The following NUP214 variants were observed in gnomAD, a reference collection of about 807,000 sequenced individuals.
NUP214 encodes nucleoporin 214.
Under a neutral mutation model 196.2 loss-of-function variants are expected in NUP214, and 79 were observed. The observed-to-expected ratio is 0.40, with a 90% CI of 0.34 to 0.49. The LOEUF (loss-of-function observed/expected upper bound fraction) is 0.49, where lower values mean the gene tolerates loss of function less well. Among genes scored for constraint, NUP214 ranks in the 20% least tolerant of loss-of-function variants. The pLI, the probability that NUP214 is intolerant of heterozygous loss-of-function variation, is 0.58. For synonymous variants in NUP214, 1,020 were observed against 990.5 expected, an observed-to-expected ratio of 1.03 and a Z score of -0.56; for missense variants, 2,468 against 2,539.0, an observed-to-expected ratio of 0.97 and a Z score of 0.60.
chr9:131,232,410 C>A lies in NUP214; in HGVS notation c.6239+102C>A, dbSNP rs932605353. The A allele has an allele frequency of 1.5e-6, 2 of 1,301,990 alleles. No individual in the cohort carries two copies. The highest frequency in any genetic ancestry group is 2.2e-6 in the Non-Finnish European group (2 of 899,040). 80.7% of individuals were successfully genotyped at this position (1,301,990 alleles called of 1,614,324 possible). Reference sequence around the variant, plus strand: ...TTTGTGCATTTTCTTTTCGTTTTTTCCTGTTTTTAGAGTTTGTCCTGGAAG... The same window carrying A: ...TTTGTGCATTTTCTTTTCGTTTTTTACTGTTTTTAGAGTTTGTCCTGGAAG... On this transcript the variant is annotated intron_variant, in intron 35 of 35. Coordinates refer to ENST00000359428, the MANE Select transcript of NUP214 (RefSeq NM_005085.4). The surrounding 1 kb of genome is among the most constrained non-coding windows in gnomAD (Gnocchi z 5.1).
intron 26 of NUP214, chr9:131,191,983 A>G (rs1225535664): frequency 2.4e-6 from 1 of 409,850 alleles, no homozygotes; most frequent in Non-Finnish European, 4.3e-6. Context: ...CACACCTTAG[A>G]CTGGAATTAA....
At chr9:131,156,797 T>G (rs1160053193) in intron 17 of NUP214, among the ~76,000 whole-genome samples, 1 of 152,278 alleles carries the variant, frequency 6.6e-6, no homozygotes, top group East Asian at 1.9e-4. Flanking sequence ...GACTTTCTCT[T>G]TATCAGTTTG....
Position 131,189,147 on chromosome 9 carries a change from T to C in NUP214, c.3574+16T>C. On this transcript the variant is annotated intron_variant, in intron 26 of 35. Coordinates refer to ENST00000359428, the MANE Select transcript of NUP214 (RefSeq NM_005085.4). ...AAAGCTTCAGGTCAGTTTGCATTTT[T>C]GTTTTCTTGAAAAGTGAAAGAAGCA... The C allele has an allele frequency of 3.1e-6, 5 of 1,610,422 alleles. No individual in the cohort carries two copies. Among genetic ancestry groups the C allele is most frequent in the Non-Finnish European group, 4.2e-6 (5 of 1,176,668 alleles).
chr9:131,125,607 G>C lies in NUP214; in HGVS notation c.-98G>C, dbSNP rs895416599. 11 of 1,548,836 alleles carry C rather than the reference G, an allele frequency of 7.1e-6. No individual in the cohort carries two copies. Among genetic ancestry groups the C allele is most frequent in the Non-Finnish European group, 9.6e-6 (11 of 1,145,434 alleles). On this transcript the variant is annotated 5_prime_UTR_variant, in exon 1 of 36. Transcript: ENST00000359428. This position sits in a 1 kb window ranked among gnomAD's most constrained non-coding sequence, Gnocchi z 4.1. ...ATGCGAGGTCAACTGCGCGCCGCTG[G>C]CGCTGAGGGGAGGAAGTTTGCTGTC...
Position 131,125,827 on chromosome 9 carries a change from G to GT in NUP214, c.45+79dup. 6.7e-7 allele frequency: 1 copy of GT among 1,495,096 alleles called. No individual in the cohort carries two copies. The highest frequency in any genetic ancestry group is 9.1e-7 in the Non-Finnish European group (1 of 1,098,176). The allele number at this position is 1,495,096 out of a possible 1,614,324, so 92.6% of individuals were successfully genotyped here. On this transcript the variant is annotated intron_variant, in intron 1 of 35. Transcript: ENST00000359428. The surrounding 1 kb of genome is among the most constrained non-coding windows in gnomAD (Gnocchi z 4.1). ...GAGCCCAGCTGAAAGGCGAAGCGCGGTGCTGGCTGTCCCGCCTCCTGCTTG... is the reference window on the plus strand; with the variant it reads ...GAGCCCAGCTGAAAGGCGAAGCGCGGTTGCTGGCTGTCCCGCCTCCTGCTTG...
chr9:131,155,200 C>T (rs762963186), intron 17 of NUP214, among the ~76,000 whole-genome samples: 1 of 152,080 alleles, frequency 6.6e-6, no homozygotes, highest in Non-Finnish European at 1.5e-5. Context: ...AGAAGTAAGA[C>T]GGTATTGCAT....
chr9:131,170,516 T>TG (rs1319921019), intron 21 of NUP214, among the ~76,000 whole-genome samples: 1 of 152,208 alleles, frequency 6.6e-6, no homozygotes. Context: ...GTGGGAGACA[T>TG]GCACATCTTT....
At chr9:131,226,613 G>GT (rs1376986215) in intron 32 of NUP214, among the ~76,000 whole-genome samples, 1 of 61,328 alleles carries the variant, frequency 1.6e-5, no homozygotes, top group African/African-American at 4.7e-5. Context: ...AACTGTAAGG[G>GT]TTTTTTAGCA....
intron 30 of NUP214, among the ~76,000 whole-genome samples, chr9:131,207,703 A>G (rs1216958583): frequency 6.6e-6 from 1 of 152,234 alleles, no homozygotes; most frequent in Admixed American, 6.5e-5. Flanking sequence ...TATTGCTGTG[A>G]TCATCTTTGG....
chr9:131,233,571 G>A lies in NUP214; in HGVS notation c.*84G>A, dbSNP rs1834936698. ...GAGAAATGCTGGAGCAGGCTGTTCAGACCGACGTTGCCATCAAAACACATA... is the reference window on the plus strand; with the variant it reads ...GAGAAATGCTGGAGCAGGCTGTTCAAACCGACGTTGCCATCAAAACACATA... On this transcript the variant is annotated 3_prime_UTR_variant, in exon 36 of 36. Transcript: ENST00000359428. The A allele has an allele frequency of 6.6e-7, 1 of 1,506,308 alleles. No homozygotes were observed. The highest frequency in any genetic ancestry group is 1.1e-5 in the South Asian group (1 of 87,706). 93.3% of individuals were successfully genotyped at this position (1,506,308 alleles called of 1,614,324 possible).
chr9:131,193,823 T>A (rs1833695045), intron 27 of NUP214: 1 of 151,078 alleles, frequency 6.6e-6, no homozygotes, highest in African/African-American at 2.4e-5. Flanking sequence ...AGCTAATTTT[T>A]GTATTTTAGT....
chr9:131,175,329 C>T, intron 22 of NUP214, 131 bp from the exon 23 acceptor site: 1 of 1,044,796 alleles, frequency 9.6e-7, no homozygotes, highest in Non-Finnish European at 1.4e-6. Flanking sequence ...TGTTAGTTTA[C>T]TGGTACTTTT....
At position 131,144,618 on chromosome 9, in the gene NUP214, T is replaced by A; in HGVS notation, c.1633T>A (p.Ser545Thr). 6.2e-7 allele frequency: 1 copy of A among 1,614,192 alleles called. No individual in the cohort carries two copies. Among genetic ancestry groups the A allele is most frequent in the East Asian group, 2.2e-5 (1 of 44,884 alleles). ...AASPVAPSAA[S>T]FSFGSSGFKP... The stretch of plus-strand genomic sequence containing the variant: ...GTCTCCTGTGGCTCCATCAGCTGCT[T>A]CATTCTCCTTTGGATCATCTGGTTT... The change falls in exon 12 of 36, where the codon TCA becomes ACA. Residue 545 changes from serine (S) to threonine (T), a missense_variant. By Grantham distance (58) the Ser-to-Thr change is moderately conservative (BLOSUM62 1). Around this residue, in one of 5 missense-constraint regions of NUP214, gnomAD observed 1,801 missense variants for 1,779.4 expected, o/e 1.01. Transcript: ENST00000359428.
At chr9:131,137,649 C>G (rs1449755643) in intron 9 of NUP214, among the ~76,000 whole-genome samples, 4 of 148,128 alleles carry the variant, frequency 2.7e-5, no homozygotes, top group Non-Finnish European at 5.9e-5. Context: ...CTCCCTGGTT[C>G]AAGCGATTCT....
chr9:131,198,399 T>C lies in NUP214; in HGVS notation c.4905T>C (p.Phe1635=). 6.2e-7 allele frequency: 1 copy of C among 1,614,232 alleles called. No individual in the cohort carries two copies. Among genetic ancestry groups the C allele is most frequent in the Non-Finnish European group, 8.5e-7 (1 of 1,180,028 alleles). ...GCCCATCTGCAGAGGCAGCAGCATT[T>C]GGTACCGTCACTTCTGGCTCATCCG... ...APGPSAEAAA[F]GTVTSGSSVF... Residue 1635 remains phenylalanine, a synonymous_variant, in exon 29 of 36, where the codon TTT becomes TTC. Coordinates refer to ENST00000359428, the MANE Select transcript of NUP214 (RefSeq NM_005085.4).
intron 8 of NUP214, 122 bp from the exon 9 acceptor site, chr9:131,135,817 TA>T: frequency 1.5e-6 from 1 of 680,008 alleles, no homozygotes; most frequent in Non-Finnish European, 2.6e-6. Context: ...TTCAACCAGA[TA>T]AAAAACCTTA....
At chr9:131,225,897 G>A (rs568596317) in intron 32 of NUP214, among the ~76,000 whole-genome samples, 34 of 152,304 alleles carry the variant, frequency 2.2e-4, no homozygotes, top group Non-Finnish European at 5.0e-4. Context: ...GAGGTCATCC[G>A]GGGAGAGGAC....
Position 131,135,965 on chromosome 9 carries a change from G to C in NUP214, c.964G>C (p.Ala322Pro). The change falls in exon 9 of 36, where the codon GCT (alanine) becomes CCT (proline). Residue 322 changes from alanine (A) to proline (P), a missense_variant. This residue lies in a region of NUP214 where 392 missense variants were observed against 417.9 expected (regional missense o/e 0.94). Transcript: ENST00000359428. ...GGATTTAGTGCTGGCAGCATCTGCGGCTTCAACAGAAGTTAGTATCCTTGC... is the reference window on the plus strand; with the variant it reads ...GGATTTAGTGCTGGCAGCATCTGCGCCTTCAACAGAAGTTAGTATCCTTGC... ...EWDLVLAASA[A>P]STEVSILARQ... 1.2e-6 allele frequency: 2 copies of C among 1,613,976 alleles called. No individual in the cohort carries two copies. Among genetic ancestry groups the C allele is most frequent in the South Asian group, 1.1e-5 (1 of 91,086 alleles).
At chr9:131,180,448 C>A (rs1157639559) in intron 24 of NUP214, among the ~76,000 whole-genome samples, 4 of 152,110 alleles carry the variant, frequency 2.6e-5, no homozygotes, top group Non-Finnish European at 5.9e-5. Context: ...TATTTTCAGC[C>A]AGCTCTCGTG....
Sources: allele counts gnomAD v4.1 joint callset (sites outside exome capture counted in the v4.1 genomes callset), GRCh38; gene constraint gnomAD v4.1.1; regional missense constraint gnomAD v4.1.1; non-coding constraint Gnocchi (gnomAD v3.1); transcripts MANE v1.5; gene names NCBI Gene and HGNC (gene_info 2026-07-23, HGNC 2026-07-21).